KMT2C: variants seen among roughly 807,000 people sequenced by gnomAD.
The protein encoded by KMT2C is lysine methyltransferase 2C, also known as histone-lysine N-methyltransferase 2C.
A neutral mutation model predicts 507.9 loss-of-function variants in KMT2C; 88 were observed. The observed-to-expected ratio is 0.17, with a 90% CI of 0.15 to 0.21. KMT2C has a LOEUF of 0.21. KMT2C is among the 10% of genes least tolerant of loss of function. The pLI, the probability that KMT2C is intolerant of heterozygous loss-of-function variation, is 1.00. For synonymous variants in KMT2C, 2,049 were observed against 2,080.8 expected (o/e 0.98, Z 0.42); for missense variants, 4,954 against 5,957.8 (o/e 0.83, Z 5.55).
At chr7:152,401,869 G>A (rs2097576539) in intron 1 of KMT2C, among the ~76,000 whole-genome samples, 1 of 152,312 alleles carries the variant, frequency 6.6e-6, no homozygotes, top group Non-Finnish European at 1.5e-5. Context: ...CCAGCACTCT[G>A]GGAGGCTGAG....
Position 152,419,625 on chromosome 7 carries a change from T to C in KMT2C, c.161+16001A>G, listed in dbSNP as rs554758853. Among the ~76,000 whole-genome samples, 4 of 152,334 alleles carry C rather than the reference T, an allele frequency of 2.6e-5. No individual in the cohort carries two copies. In the South Asian group the frequency reaches 6.2e-4, roughly 24 times the overall value. Reference sequence around the variant, plus strand: ...CTGTTTAACATCTTCAATGGCTCCCTATTGTTTACAGTTAATATTCAAAAT... The same window carrying C: ...CTGTTTAACATCTTCAATGGCTCCCCATTGTTTACAGTTAATATTCAAAAT... On this transcript the variant is annotated intron_variant, in intron 1 of 58. Coordinates refer to ENST00000262189, the MANE Select transcript of KMT2C (RefSeq NM_170606.3).
rs2129119021 is a variant in KMT2C, at chr7:152,180,714, T to A, written c.7146A>T (p.Arg2382Ser). Reference sequence around the variant, plus strand: ...TGAGAACATACAATGTGTTTACCTGTCTCAATTTCTCTGTATCTGCTTGGG... The same window carrying A: ...TGAGAACATACAATGTGTTTACCTGACTCAATTTCTCTGTATCTGCTTGGG... The part of the protein sequence containing the change: ...NMAQADTEKL[R>S]QRQKLREIIL... Residue 2382 changes from arginine (R) to serine (S), a missense_variant, in exon 36 of 59, where the codon AGA (arginine) becomes AGT (serine). Physicochemically the swap from Arg to Ser is moderately radical, Grantham distance 110. Around this residue, in one of 29 missense-constraint regions of KMT2C, gnomAD observed 1,689 missense variants for 1,654.3 expected, o/e 1.02. Coordinates refer to ENST00000262189, the MANE Select transcript of KMT2C (RefSeq NM_170606.3). The A allele has an allele frequency of 2.5e-6, 4 of 1,605,672 alleles. No individual in the cohort carries two copies. Among genetic ancestry groups the A allele is most frequent in the Non-Finnish European group, 3.4e-6 (4 of 1,174,916 alleles).
intron 15 of KMT2C, among the ~76,000 whole-genome samples, chr7:152,238,421 T>C (rs2095324964): frequency 6.6e-6 from 1 of 152,216 alleles, no homozygotes; most frequent in African/African-American, 2.4e-5. Context: ...TATGATATCA[T>C]GAATGAAAAG....
intron 1 of KMT2C, among the ~76,000 whole-genome samples, chr7:152,413,668 T>A (rs1211722817): frequency 1.3e-5 from 2 of 151,010 alleles, no homozygotes; most frequent in African/African-American, 2.5e-5. Flanking sequence ...GTGGATCACC[T>A]GAGGTCAGGA....
intron 4 of KMT2C, chr7:152,312,401 GA>G (rs1280812063): frequency 6.6e-6 from 1 of 152,348 alleles, no homozygotes; most frequent in Non-Finnish European, 1.5e-5. Flanking sequence ...ACTGTGTAAA[GA>G]AAGGATATTT....
intron 18 of KMT2C, 120 bp from the exon 19 acceptor site, chr7:152,224,736 T>C: frequency 2.7e-6 from 2 of 735,026 alleles, no homozygotes; most frequent in Non-Finnish European, 4.4e-6. Flanking sequence ...TCAACTAACA[T>C]TTATTGAGCA....
intron 15 of KMT2C, among the ~76,000 whole-genome samples, chr7:152,236,255 G>A (rs542301996): frequency 7.4e-4 from 113 of 152,304 alleles, no homozygotes; most frequent in Non-Finnish European, 1.4e-3. Flanking sequence ...CAGATATTTC[G>A]AAGTGCAACA....
chr7:152,357,749 T>C (rs763700580), intron 2 of KMT2C, among the ~76,000 whole-genome samples: 1 of 152,182 alleles, frequency 6.6e-6, no homozygotes, highest in Non-Finnish European at 1.5e-5. Context: ...AAAGAAACTA[T>C]AGATTATTTG....
chr7:152,409,513 C>G (rs866301783), intron 1 of KMT2C, among the ~76,000 whole-genome samples: 1 of 149,402 alleles, frequency 6.7e-6, no homozygotes, highest in Admixed American at 6.8e-5. Flanking sequence ...GTCAGGAGAT[C>G]GAGACCATCC....
intron 6 of KMT2C, among the ~76,000 whole-genome samples, chr7:152,280,912 A>C (rs991871624): frequency 1.3e-5 from 2 of 152,160 alleles, no homozygotes; most frequent in African/African-American, 4.8e-5. Context: ...TAAAAATGTA[A>C]ATATTTTAAA....
rs954387234 is a variant in KMT2C, at chr7:152,406,792, G to T, written c.161+28834C>A. Among the ~76,000 whole-genome samples, 19 of 147,976 alleles carry T rather than the reference G, an allele frequency of 1.3e-4. No individual in the cohort carries two copies. In the East Asian group the frequency reaches 1.9e-3, roughly 15 times the overall value. On this transcript the variant is annotated intron_variant, in intron 1 of 58. Coordinates refer to ENST00000262189, the MANE Select transcript of KMT2C (RefSeq NM_170606.3). ...CTTCCAAAGTGCTGGGATTACAGGT[G>T]TGAGCCAAAAAAGGTGTGGGGCCAA...
intron 1 of KMT2C, among the ~76,000 whole-genome samples, chr7:152,420,613 G>C (rs1379280836): frequency 6.6e-6 from 1 of 152,116 alleles, no homozygotes; most frequent in Admixed American, 6.6e-5. Context: ...GAGGTGGGTG[G>C]ATCACAAGGT....
intron 2 of KMT2C, among the ~76,000 whole-genome samples, chr7:152,356,486 G>C (rs1033522330): frequency 6.6e-6 from 1 of 151,930 alleles, no homozygotes; most frequent in Non-Finnish European, 1.5e-5. Context: ...TGAGACAGGA[G>C]AATCACTTGA....
In KMT2C at chr7:152,177,055, C is replaced by T. The variant is rs1246057271; in HGVS notation, c.8398G>A (p.Glu2800Lys). The change falls in exon 38 of 59, where the codon GAA (glutamate) becomes AAA (lysine). Residue 2800 changes from glutamate (E) to lysine (K), a missense_variant. This residue lies in a region of KMT2C where 1,689 missense variants were observed against 1,654.3 expected (regional missense o/e 1.02). Coordinates refer to ENST00000262189, the MANE Select transcript of KMT2C (RefSeq NM_170606.3). ...VSVEPKKKEQ[E>K]NKTLVLSDKH... ...TCAGAGAGAACCAGAGTTTTGTTTT[C>T]TTGTTCCTTTTTTTTTGGTTCAACA... 6.2e-7 allele frequency: 1 copy of T among 1,611,374 alleles called. No homozygotes were observed. Among genetic ancestry groups the T allele is most frequent in the Non-Finnish European group, 8.5e-7 (1 of 1,179,408 alleles).
Position 152,368,557 on chromosome 7 carries a change from C to T in KMT2C, c.162-9882G>A, listed in dbSNP as rs1589506449. The T allele has an allele frequency of 3.6e-6, 5 of 1,390,788 alleles. No individual in the cohort carries two copies. In the East Asian group the frequency reaches 9.5e-5, roughly 26 times the overall value. 86.2% of individuals were successfully genotyped at this position (1,390,788 alleles called of 1,614,324 possible). A position where few individuals can be genotyped will look rare whatever the true frequency, so the allele number is the denominator to read the frequency against. On this transcript the variant is annotated intron_variant, in intron 1 of 58. Transcript: ENST00000262189. ...CAAAGAATTAGAGGAAAAACGTCGTCAGTTTGAGGATGAGAAGGCAAACTG... is the reference window on the plus strand; with the variant it reads ...CAAAGAATTAGAGGAAAAACGTCGTTAGTTTGAGGATGAGAAGGCAAACTG...
chr7:152,415,869 G>C (rs1244388457), intron 1 of KMT2C, among the ~76,000 whole-genome samples: 1 of 152,192 alleles, frequency 6.6e-6, no homozygotes, highest in Non-Finnish European at 1.5e-5. Flanking sequence ...AACAGTGTAA[G>C]ACTCAGGTCT....
Position 152,134,958 on chromosome 7 carries a change from G to A in KMT2C, c.*1874C>T, listed in dbSNP as rs2089759551. On this transcript the variant is annotated 3_prime_UTR_variant, in exon 59 of 59. Transcript: ENST00000262189. ...GTAAAATATTTTATTTGTAAATGGTGATCTTCTAAATCTGTGTCCACAAAT... is the reference window on the plus strand; with the variant it reads ...GTAAAATATTTTATTTGTAAATGGTAATCTTCTAAATCTGTGTCCACAAAT... The A allele has an allele frequency of 4.5e-6, 1 of 222,746 alleles. No individual in the cohort carries two copies. The highest frequency in any genetic ancestry group is 9.0e-6 in the Non-Finnish European group (1 of 111,244). 13.8% of individuals were successfully genotyped at this position (222,746 alleles called of 1,614,324 possible).
At chr7:152,328,382 T>C (rs1268337846) in intron 3 of KMT2C, among the ~76,000 whole-genome samples, 1 of 152,108 alleles carries the variant, frequency 6.6e-6, no homozygotes, top group Non-Finnish European at 1.5e-5. Context: ...GTAGCCTCTC[T>C]GGGAGGTAAG....
intron 6 of KMT2C, among the ~76,000 whole-genome samples, chr7:152,307,258 GAAGGAAGGAAGGAAGA>G (rs1279760578): frequency 0.014 from 1,679 of 122,300 alleles, 18 homozygotes; most frequent in Non-Finnish European, 0.02. Flanking sequence ...AGGACGGTAG[GAAGGAAGGAAGGAAGA>G]AAGAAAGGAA....
Sources: allele counts gnomAD v4.1 joint callset (sites outside exome capture counted in the v4.1 genomes callset), GRCh38; gene constraint gnomAD v4.1.1; regional missense constraint gnomAD v4.1.1; transcripts MANE v1.5; gene names NCBI Gene and HGNC (gene_info 2026-07-23, HGNC 2026-07-21).